ERC2: variants seen among roughly 807,000 people sequenced by gnomAD.
The protein encoded by ERC2 is ELKS/RAB6-interacting/CAST family member 2.
Under a neutral mutation model 114.8 loss-of-function variants are expected in ERC2, and 42 were observed. The observed-to-expected ratio is 0.37, with a 90% confidence interval of 0.29 to 0.47. The LOEUF (loss-of-function observed/expected upper bound fraction) is 0.47. Ranked by LOEUF, ERC2 falls within the 20% of genes least tolerant of loss-of-function variation. The pLI is 0.99. For synonymous variants in ERC2, 454 were observed against 425.5 expected (o/e 1.07, Z -0.82); for missense variants, 939 against 1,150.7 (o/e 0.82, Z 2.66).
At chr3:56,105,186 G>A (rs1192326633) in intron 6 of ERC2, among the ~76,000 whole-genome samples, 1 of 152,166 alleles carries the variant, frequency 6.6e-6, no homozygotes, top group Non-Finnish European at 1.5e-5. Context: ...AGGAGACAAT[G>A]GCTAGGAGAC....
chr3:55,536,295 C>G (rs1393696498), intron 17 of ERC2, among the ~76,000 whole-genome samples: 3 of 152,160 alleles, frequency 2.0e-5, no homozygotes, highest in Non-Finnish European at 4.4e-5. Context: ...CTCTGGGAAG[C>G]CCTCCCTGAG....
intron 14 of ERC2, among the ~76,000 whole-genome samples, chr3:55,864,255 ATATG>A (rs2062192916): frequency 6.7e-6 from 1 of 148,214 alleles, no homozygotes; most frequent in African/African-American, 2.5e-5. Context: ...ATATGTATAT[ATATG>A]TGTGTGTGTA....
At chr3:55,703,169 G>A (rs2063312606) in intron 15 of ERC2, among the ~76,000 whole-genome samples, 1 of 152,142 alleles carries the variant, frequency 6.6e-6, no homozygotes, top group African/African-American at 2.4e-5. Flanking sequence ...CATAGCCAGA[G>A]TGACATCAGA....
At chr3:56,018,751 T>A (rs2073491476) in intron 8 of ERC2, 143 bp downstream of exon 8, 2 of 841,824 alleles carry the variant, frequency 2.4e-6, no homozygotes, top group East Asian at 5.4e-5. Context: ...AGAGGGCTTG[T>A]GTGGGAAGAA....
intron 2 of ERC2, among the ~76,000 whole-genome samples, chr3:56,413,423 G>A (rs2107138710): frequency 6.6e-6 from 1 of 152,320 alleles, no homozygotes; most frequent in East Asian, 1.9e-4. Context: ...TCAGCGCACA[G>A]CAGGTATGGC....
chr3:55,889,791 T>C (rs2063522838), intron 13 of ERC2, among the ~76,000 whole-genome samples: 1 of 152,158 alleles, frequency 6.6e-6, no homozygotes, highest in South Asian at 2.1e-4. Flanking sequence ...ATCACTAAAG[T>C]CAACAGAACG....
chr3:55,735,186 T>C (rs1575430394), intron 14 of ERC2, among the ~76,000 whole-genome samples: 1 of 152,228 alleles, frequency 6.6e-6, no homozygotes, highest in East Asian at 1.9e-4. Context: ...TGAGCATTCA[T>C]TGCTGACACA....
chr3:56,198,548 G>A (rs1286948007), intron 3 of ERC2, among the ~76,000 whole-genome samples: 1 of 152,194 alleles, frequency 6.6e-6, no homozygotes, highest in Non-Finnish European at 1.5e-5. Flanking sequence ...AAACTGATAG[G>A]TGTGGGTGAC....
chr3:56,380,803 G>A (rs1320507335), intron 2 of ERC2, among the ~76,000 whole-genome samples: 4 of 152,066 alleles, frequency 2.6e-5, no homozygotes, highest in Admixed American at 6.6e-5. Context: ...CAAACACATG[G>A]GAAACAGAAG....
chr3:55,963,256 T>C (rs1404958118), intron 12 of ERC2, among the ~76,000 whole-genome samples: 1 of 152,248 alleles, frequency 6.6e-6, no homozygotes, highest in Non-Finnish European at 1.5e-5. Context: ...GTTCTATGGA[T>C]GGATATAGCC....
At chr3:55,992,289 C>T (rs1351700979) in intron 10 of ERC2, 39 bp from the exon 11 acceptor site, 1 of 1,539,724 alleles carries the variant, frequency 6.5e-7, no homozygotes, top group Non-Finnish European at 8.9e-7. Context: ...GTTAAGACAA[C>T]AATTTAGAAC....
At chr3:56,203,799 G>A (rs533294388) in intron 3 of ERC2, among the ~76,000 whole-genome samples, 2 of 152,326 alleles carry the variant, frequency 1.3e-5, no homozygotes, top group South Asian at 4.1e-4. Context: ...AGTGCTAACT[G>A]AGTGATATCT....
At chr3:56,034,167 T>C (rs928482840) in intron 7 of ERC2, among the ~76,000 whole-genome samples, 20 of 152,090 alleles carry the variant, frequency 1.3e-4, no homozygotes, top group African/African-American at 4.3e-4. Context: ...CAAAAAAGAA[T>C]AGGGGTGACT....
At position 55,857,796 on chromosome 3, in the gene ERC2, C is replaced by G. The variant is rs563681657; in HGVS notation, c.2564+30593G>C. Among the ~76,000 whole-genome samples, 382 of 152,236 alleles carry G rather than the reference C, an allele frequency of 2.5e-3. 1 individual carries two copies. Among genetic ancestry groups the G allele is most frequent in the African/African-American group, 8.7e-3 (363 of 41,556 alleles). On this transcript the variant is annotated intron_variant, in intron 14 of 17. Transcript: ENST00000288221. ...CCTTGTAGTGAGAAGGTCCTTCCCT[C>G]ATCATGAAACACTCGATTTTCAATG...
At position 56,426,643 on chromosome 3, in the gene ERC2, G is replaced by A. The variant is rs2061580317; in HGVS notation, c.657+7708C>T. 2.0e-5 allele frequency among the ~76,000 whole-genome samples: 3 copies of A among 152,178 alleles called. No homozygotes were observed. In the South Asian group the frequency reaches 6.2e-4, roughly 32 times the overall value. On this transcript the variant is annotated intron_variant, in intron 2 of 17. Transcript: ENST00000288221. Reference sequence around the variant, plus strand: ...GTTTAGTTGTACATTTGGCATCTGTGATCCACCATGAGAAGATGAAGCCCT... The same window carrying A: ...GTTTAGTTGTACATTTGGCATCTGTAATCCACCATGAGAAGATGAAGCCCT...
chr3:56,173,669 A>G, intron 3 of ERC2, 149 bp from the exon 4 acceptor site: 1 of 634,940 alleles, frequency 1.6e-6, no homozygotes, highest in South Asian at 2.0e-5. Context: ...CACACTCTTT[A>G]GCATCCCTCC....
chr3:55,752,542 A>T (rs17842432), intron 14 of ERC2, among the ~76,000 whole-genome samples: 14,364 of 152,306 alleles, frequency 0.094, 2,238 homozygotes, highest in African/African-American at 0.32. Flanking sequence ...CATAGAGCCT[A>T]CAATAGGAAA....
intron 2 of ERC2, among the ~76,000 whole-genome samples, chr3:56,419,629 T>C (rs2061310108): frequency 6.6e-6 from 1 of 152,226 alleles, no homozygotes; most frequent in South Asian, 2.1e-4. Context: ...TGAAGACATG[T>C]CTCATATTAC....
chr3:56,205,327 C>T (rs977385860), intron 3 of ERC2, among the ~76,000 whole-genome samples: 1 of 152,074 alleles, frequency 6.6e-6, no homozygotes, highest in Non-Finnish European at 1.5e-5. Context: ...CCTCATTAAG[C>T]CCATCTGCAA....
Sources: allele counts gnomAD v4.1 joint callset (sites outside exome capture counted in the v4.1 genomes callset), GRCh38; gene constraint gnomAD v4.1.1; transcripts MANE v1.5; gene names NCBI Gene and HGNC (gene_info 2026-07-23, HGNC 2026-07-21).